The following LRRC4C variants were observed in gnomAD, a reference collection of about 807,000 sequenced individuals.
The protein encoded by LRRC4C is leucine rich repeat containing 4C, also known as leucine-rich repeat-containing protein 4C.
LRRC4C carries 5 observed loss-of-function variants against 33.6 expected under a neutral mutation model. The observed-to-expected ratio is 0.15, with a 90% CI of 0.08 to 0.31. LRRC4C has a LOEUF of 0.31. LRRC4C is among the 10% of genes least tolerant of loss of function. LRRC4C has a pLI of 1.00. For synonymous variants in LRRC4C, 329 were observed against 302.0 expected (o/e 1.09, Z -0.93); for missense variants, 560 against 796.7 (o/e 0.70, Z 3.58).
At chr11:40,749,472 A>T (rs1323758113) in intron 2 of LRRC4C, among the ~76,000 whole-genome samples, 3 of 150,404 alleles carry the variant, frequency 2.0e-5, no homozygotes, top group Non-Finnish European at 3.0e-5. Context: ...AAAAAAAAAA[A>T]ACCCTATAAT....
At chr11:41,194,244 A>G (rs1946087056) in intron 1 of LRRC4C, among the ~76,000 whole-genome samples, 1 of 152,146 alleles carries the variant, frequency 6.6e-6, no homozygotes. Context: ...ACAGTAGGCT[A>G]TTAGTATTTA....
At chr11:41,287,141 T>C (rs1283844358) in intron 1 of LRRC4C, among the ~76,000 whole-genome samples, 2 of 152,168 alleles carry the variant, frequency 1.3e-5, no homozygotes, top group Non-Finnish European at 2.9e-5. Context: ...CTTCTAACAA[T>C]TTTCATTAAT....
Position 41,174,868 on chromosome 11 carries a change from T to C in LRRC4C, c.-495-241145A>G, listed in dbSNP as rs563916457. On this transcript the variant is annotated intron_variant, in intron 1 of 6. Coordinates refer to ENST00000528697, the MANE Select transcript of LRRC4C (RefSeq NM_001258419.2). ...ATCCATCATTTCTAAAACTGAACCA[T>C]TTTTCTTTCATAGTCTTAATGACAA... Among the ~76,000 whole-genome samples, 28 of 152,228 alleles carry C rather than the reference T, an allele frequency of 1.8e-4. No homozygotes were observed. The East Asian group carries it at 2.1e-3, about 12-fold the overall frequency.
At chr11:41,166,985 T>C (rs1412476125) in intron 1 of LRRC4C, among the ~76,000 whole-genome samples, 2 of 152,208 alleles carry the variant, frequency 1.3e-5, no homozygotes, top group African/African-American at 2.4e-5. Context: ...CTAGTGCTTA[T>C]TGGCATTAAA....
intron 3 of LRRC4C, among the ~76,000 whole-genome samples, chr11:40,398,485 A>G (rs1310470625): frequency 3.3e-5 from 5 of 152,066 alleles, no homozygotes; most frequent in African/African-American, 1.2e-4. Flanking sequence ...TTTTAATGTA[A>G]ATGTTCAACA....
chr11:40,583,484 C>T (rs537901829), intron 3 of LRRC4C, among the ~76,000 whole-genome samples: 2 of 152,276 alleles, frequency 1.3e-5, no homozygotes, highest in African/African-American at 4.8e-5. Context: ...ACATGGGATG[C>T]CTTGCTTGCC....
At chr11:40,941,780 A>G (rs1448719692) in intron 1 of LRRC4C, among the ~76,000 whole-genome samples, 1 of 152,180 alleles carries the variant, frequency 6.6e-6, no homozygotes, top group Non-Finnish European at 1.5e-5. Flanking sequence ...GCTAAGTGCT[A>G]AAAATAAATG....
intron 2 of LRRC4C, among the ~76,000 whole-genome samples, chr11:40,910,666 G>A (rs966358651): frequency 2.0e-5 from 3 of 152,140 alleles, no homozygotes; most frequent in African/African-American, 4.8e-5. Flanking sequence ...GAGGTACCAG[G>A]TTCATCTCAC....
At chr11:41,306,737 A>G (rs2137143630) in intron 1 of LRRC4C, among the ~76,000 whole-genome samples, 1 of 152,324 alleles carries the variant, frequency 6.6e-6, no homozygotes, top group South Asian at 2.1e-4. Flanking sequence ...GATTTGAACA[A>G]AGTTACTTAA....
At chr11:41,438,387 C>A (rs531566093) in intron 1 of LRRC4C, among the ~76,000 whole-genome samples, 2 of 151,948 alleles carry the variant, frequency 1.3e-5, no homozygotes, top group Non-Finnish European at 2.9e-5. Context: ...TATAATAATA[C>A]AAATTTTCAA....
intron 2 of LRRC4C, among the ~76,000 whole-genome samples, chr11:40,724,658 G>T (rs1947198212): frequency 6.6e-6 from 1 of 151,990 alleles, no homozygotes; most frequent in African/African-American, 2.4e-5. Context: ...CAATACCATA[G>T]AAAGATCTCA....
At chr11:40,844,272 C>T (rs959476698) in intron 2 of LRRC4C, among the ~76,000 whole-genome samples, 15 of 151,498 alleles carry the variant, frequency 9.9e-5, no homozygotes, top group South Asian at 2.1e-4. Context: ...AAAAATACAG[C>T]GGTTGAATCA....
intron 2 of LRRC4C, among the ~76,000 whole-genome samples, chr11:40,796,398 A>T (rs768905502): frequency 6.6e-6 from 1 of 152,174 alleles, no homozygotes; most frequent in Non-Finnish European, 1.5e-5. Context: ...TAAAAGTAAC[A>T]AATGAGCCTA....
chr11:40,366,602 T>C (rs1223257604), intron 3 of LRRC4C, among the ~76,000 whole-genome samples: 2 of 152,182 alleles, frequency 1.3e-5, no homozygotes, highest in East Asian at 1.9e-4. Flanking sequence ...TATATATAGC[T>C]CATATATGGC....
At chr11:40,774,848 G>A (rs1258206548) in intron 2 of LRRC4C, among the ~76,000 whole-genome samples, 1 of 152,058 alleles carries the variant, frequency 6.6e-6, no homozygotes, top group Non-Finnish European at 1.5e-5. Context: ...GGCTTTAATA[G>A]AGTCCATATT....
chr11:41,259,300 C>T (rs1200187865), intron 1 of LRRC4C, among the ~76,000 whole-genome samples: 1 of 152,000 alleles, frequency 6.6e-6, no homozygotes, highest in Non-Finnish European at 1.5e-5. Flanking sequence ...TGAAAGACAT[C>T]AGCACATGTG....
intron 1 of LRRC4C, among the ~76,000 whole-genome samples, chr11:41,370,528 G>A (rs568311177): frequency 1.8e-4 from 28 of 152,204 alleles, no homozygotes; most frequent in African/African-American, 6.0e-4. Context: ...AGGGGTGTCC[G>A]CTTTTGTTTC....
chr11:40,901,997 TCTAC>T (rs1469111445), intron 2 of LRRC4C, among the ~76,000 whole-genome samples: 9 of 136,262 alleles, frequency 6.6e-5, no homozygotes, highest in East Asian at 6.3e-4. Flanking sequence ...TCTCTCTCTC[TCTAC>T]ACACACACAC....
chr11:40,479,613 A>T (rs1366992642), intron 3 of LRRC4C, among the ~76,000 whole-genome samples: 1 of 152,154 alleles, frequency 6.6e-6, no homozygotes, highest in Non-Finnish European at 1.5e-5. Context: ...CTGCCGAGGG[A>T]GGCGGCTGCT....
Sources: gnomAD v4.1 joint callset for allele counts (sites outside exome capture counted in the v4.1 genomes callset) on GRCh38, gnomAD v4.1.1 for gene constraint, MANE v1.5 for transcripts, NCBI Gene and HGNC (gene_info 2026-07-23, HGNC 2026-07-21) for gene names.